TMEM240: variants seen among roughly 807,000 people sequenced by gnomAD.
TMEM240 encodes the protein transmembrane protein 240, also known as transmembrane protein C1orf70.
TMEM240 carries 3 observed loss-of-function variants against 19.5 expected under a neutral mutation model. That is an observed-to-expected ratio of 0.15 (90% CI 0.07 to 0.40). The LOEUF is 0.40. TMEM240 is among the 10% of genes least tolerant of loss of function. The pLI, the probability that TMEM240 is intolerant of heterozygous loss-of-function variation, is 1.00. For synonymous variants in TMEM240, 123 were observed against 109.3 expected (o/e 1.13, Z -0.78); for missense variants, 210 against 253.5 (o/e 0.83, Z 1.17).
Position 1,540,381 on chromosome 1 carries a change from C to A in TMEM240, c.-35G>T, listed in dbSNP as rs1044272744. On this transcript the variant is annotated 5_prime_UTR_variant, in exon 1 of 4. Coordinates refer to ENST00000378733, the MANE Select transcript of TMEM240 (RefSeq NM_001114748.2). ...CCGGGCCGGGCCGGAGCGCCGCCCC[C>A]CGGCCCCGGCGCCCCCCCGGCCCCG... The A allele has an allele frequency of 3.7e-6, 4 of 1,070,082 alleles. No individual in the cohort carries two copies. In the African/African-American group the frequency reaches 6.8e-5, roughly 18 times the overall value. The allele number at this position is 1,070,082 out of a possible 1,614,324, so 66.3% of individuals were successfully genotyped here.
chr1:1,535,450 G>C lies in TMEM240; in HGVS notation c.431C>G (p.Pro144Arg), dbSNP rs1024546715. The C allele has an allele frequency of 5.2e-6, 8 of 1,549,014 alleles. No homozygotes were observed. Among genetic ancestry groups the C allele is most frequent in the Non-Finnish European group, 7.0e-6 (8 of 1,146,322 alleles). ...LCSLRELGRR[P>R]HRPFEEAAGN... ...GGCGGCCTCCTCGAAGGGCCTGTGC[G>C]GCCGCCGGCCCAGCTCCCGCAGGCT... is the stretch of plus-strand genomic sequence containing the variant. Residue 144 changes from proline (P) to arginine (R), a missense_variant, in exon 4 of 4, where the codon CCG becomes CGG. Physicochemically the swap from Pro to Arg is moderately radical, Grantham distance 103. This residue lies in a region of TMEM240 where 157 missense variants were observed against 168.2 expected (regional missense o/e 0.93). Transcript: ENST00000378733. The surrounding 1 kb of genome is among the most constrained non-coding windows in gnomAD (Gnocchi z 8.2).
In TMEM240 at chr1:1,534,922, G is replaced by A. The variant is rs552819764; in HGVS notation, c.*437C>T. ...CTGTGCACACGCGGGTGCTCCCCTC[G>A]CCCCCCTCCCCTCCGCCCAAGCTGG... On this transcript the variant is annotated 3_prime_UTR_variant, in exon 4 of 4. Coordinates refer to ENST00000378733, the MANE Select transcript of TMEM240 (RefSeq NM_001114748.2). 7.1e-5 allele frequency among the ~76,000 whole-genome samples: 8 copies of A among 113,224 alleles called. No individual in the cohort carries two copies. The South Asian group carries it at 1.5e-3, about 22-fold the overall frequency. 74.3% of individuals were successfully genotyped at this position (113,224 alleles called of 152,430 possible). A position where few individuals can be genotyped will look rare whatever the true frequency, so the allele number is the denominator to read the frequency against.
intron 2 of TMEM240, 165 bp downstream of exon 2, chr1:1,539,519 G>T: frequency 1.6e-6 from 1 of 628,556 alleles, no homozygotes; most frequent in Non-Finnish European, 2.8e-6. Context: ...GCCCCCAGGA[G>T]ACCCCCGCCC....
In TMEM240 at chr1:1,535,237, G is replaced by T. The variant is rs1642193955; in HGVS notation, c.*122C>A. 1 of 1,108,236 alleles carries T rather than the reference G, an allele frequency of 9.0e-7. No homozygotes were observed. The highest frequency in any genetic ancestry group is 1.2e-6 in the Non-Finnish European group (1 of 813,428). 68.7% of individuals were successfully genotyped at this position (1,108,236 alleles called of 1,614,324 possible). ...CACTGGACTCTCCCGGCCGGCCACA[G>T]CCCCGGACAACCTGGGCCCAGGGCT... On this transcript the variant is annotated 3_prime_UTR_variant, in exon 4 of 4. Coordinates refer to ENST00000378733, the MANE Select transcript of TMEM240 (RefSeq NM_001114748.2). The surrounding 1 kb of genome is among the most constrained non-coding windows in gnomAD (Gnocchi z 8.2).
At chr1:1,539,283 C>G in intron 2 of TMEM240, 1 of 190,750 alleles carries the variant, frequency 5.2e-6, no homozygotes, top group South Asian at 8.5e-5. Context: ...TCAAGGCAGG[C>G]CCTTCCCGCC....
At chr1:1,540,242 CGCGCGGGCGGGGAGCAGGGG>C in intron 1 of TMEM240, 28 bp downstream of exon 1, 1 of 1,147,656 alleles carries the variant, frequency 8.7e-7, no homozygotes, top group Non-Finnish European at 1.1e-6. Context: ...CCAGGCGGCG[CGCGCGGGCGGGGAGCAGGGG>C]GCGCGCGCGG....
In TMEM240 at chr1:1,535,774, G is replaced by A; in HGVS notation, c.188C>T (p.Pro63Leu). The A allele has an allele frequency of 6.5e-7, 1 of 1,550,060 alleles. No homozygotes were observed. The highest frequency in any genetic ancestry group is 8.7e-7 in the Non-Finnish European group (1 of 1,146,586). ...CGRHHIHYVI[P>L]YDGDQSVVDA... is the part of the protein sequence containing the mutation. The stretch of plus-strand genomic sequence containing the variant: ...CACCACCGACTGGTCCCCGTCGTAC[G>A]GGATCACGTAGTGGATATGGTGCCT... Residue 63 changes from proline to leucine, a missense_variant, in exon 3 of 4, where the codon CCG becomes CTG. This residue lies in a region of TMEM240 where 157 missense variants were observed against 168.2 expected (regional missense o/e 0.93). Transcript: ENST00000378733. The surrounding 1 kb of genome is among the most constrained non-coding windows in gnomAD (Gnocchi z 8.2).
intron 2 of TMEM240, among the ~76,000 whole-genome samples, chr1:1,538,661 G>T (rs2100698252): frequency 6.6e-6 from 1 of 152,362 alleles, no homozygotes; most frequent in East Asian, 1.9e-4. Flanking sequence ...CAGCACACGT[G>T]AGGGTCACAG....
At position 1,535,203 on chromosome 1, in the gene TMEM240, A is replaced by G; in HGVS notation, c.*156T>C. 3 of 722,128 alleles carry G rather than the reference A, an allele frequency of 4.2e-6. No individual in the cohort carries two copies. The highest frequency in any genetic ancestry group is 6.5e-6 in the Non-Finnish European group (3 of 462,544). The allele number at this position is 722,128 out of a possible 1,614,324, so 44.7% of individuals were successfully genotyped here. A position where few individuals can be genotyped will look rare whatever the true frequency, so the allele number is the denominator to read the frequency against. On this transcript the variant is annotated 3_prime_UTR_variant, in exon 4 of 4. Coordinates refer to ENST00000378733, the MANE Select transcript of TMEM240 (RefSeq NM_001114748.2). This position sits in a 1 kb window ranked among gnomAD's most constrained non-coding sequence, Gnocchi z 8.2. The stretch of plus-strand genomic sequence containing the variant: ...AACCCCCTTTATAAAAAGAAGAGAC[A>G]GCACCTTCCACTGGACTCTCCCGGC...
At chr1:1,537,377 GCC>G (rs1642238287) in intron 2 of TMEM240, among the ~76,000 whole-genome samples, 2 of 152,110 alleles carry the variant, frequency 1.3e-5, no homozygotes, top group Non-Finnish European at 2.9e-5. Context: ...GCTGACCACT[GCC>G]CAGAATGTGC....
In TMEM240 at chr1:1,535,941, G is replaced by GGGGT; in HGVS notation, c.165-145_165-144insACCC. The GGGGT allele has an allele frequency of 7.7e-6, 3 of 388,950 alleles. No homozygotes were observed. The highest frequency in any genetic ancestry group is 2.1e-5 in the African/African-American group (1 of 47,320). The allele number at this position is 388,950 out of a possible 1,614,324, so 24.1% of individuals were successfully genotyped here. On this transcript the variant is annotated intron_variant, in intron 2 of 3. Transcript: ENST00000378733. This position sits in a 1 kb window ranked among gnomAD's most constrained non-coding sequence, Gnocchi z 8.2. ...GCAGCCTCTTGGGCGGGCGGGTCGGGAAGGGGGCACCAGACTCAACGAGGC... is the reference window on the plus strand; with the variant it reads ...GCAGCCTCTTGGGCGGGCGGGTCGGGGGGTAAGGGGGCACCAGACTCAACGAGGC...
Position 1,535,349 on chromosome 1 carries a change from C to A in TMEM240, c.*10G>T, listed in dbSNP as rs1412358739. On this transcript the variant is annotated 3_prime_UTR_variant, in exon 4 of 4. Transcript: ENST00000378733. This position sits in a 1 kb window ranked among gnomAD's most constrained non-coding sequence, Gnocchi z 8.2. Reference sequence around the variant, plus strand: ...GTTGGCTCGGTGGCCCCGGTAAGTCCCCGTGCGGCTCACAGGTGCCGCGGG... The same window carrying A: ...GTTGGCTCGGTGGCCCCGGTAAGTCACCGTGCGGCTCACAGGTGCCGCGGG... The A allele has an allele frequency of 1.9e-6, 3 of 1,548,564 alleles. No individual in the cohort carries two copies. The African/African-American group carries it at 4.1e-5, about 21-fold the overall frequency.
In TMEM240 at chr1:1,536,779, C is replaced by A. The variant is rs114660278; in HGVS notation, c.165-982G>T. Reference sequence around the variant, plus strand: ...GGGAGTGGAGCCCGCGGGCCCCACGCGCCTTGCGGTCCACACTCCTGGCTG... The same window carrying A: ...GGGAGTGGAGCCCGCGGGCCCCACGAGCCTTGCGGTCCACACTCCTGGCTG... On this transcript the variant is annotated intron_variant, in intron 2 of 3. Transcript: ENST00000378733. This position sits in a 1 kb window ranked among gnomAD's most constrained non-coding sequence, Gnocchi z 5.4. Among the ~76,000 whole-genome samples, 8 of 152,148 alleles carry A rather than the reference C, an allele frequency of 5.3e-5. No individual in the cohort carries two copies. Among genetic ancestry groups the A allele is most frequent in the African/African-American group, 1.9e-4 (8 of 41,426 alleles).
At position 1,536,207 on chromosome 1, in the gene TMEM240, C is replaced by T. The variant is rs548426697; in HGVS notation, c.165-410G>A. ...ACAGCTCACCCGCCCGCCCCGGGGCCGCGGAGGCCACTTGGAGCAGAGCTG... is the reference window on the plus strand; with the variant it reads ...ACAGCTCACCCGCCCGCCCCGGGGCTGCGGAGGCCACTTGGAGCAGAGCTG... On this transcript the variant is annotated intron_variant, in intron 2 of 3. Transcript: ENST00000378733. This position sits in a 1 kb window ranked among gnomAD's most constrained non-coding sequence, Gnocchi z 5.4. 5.0e-4 allele frequency among the ~76,000 whole-genome samples: 76 copies of T among 152,198 alleles called. No homozygotes were observed. The highest frequency in any genetic ancestry group is 4.4e-4 in the Non-Finnish European group (30 of 67,962).
Position 1,535,487 on chromosome 1 carries a change from G to A in TMEM240, c.394C>T (p.Pro132Ser). The A allele has an allele frequency of 6.5e-7, 1 of 1,547,942 alleles. No individual in the cohort carries two copies. Among genetic ancestry groups the A allele is most frequent in the Non-Finnish European group, 8.7e-7 (1 of 1,145,722 alleles). The change falls in exon 4 of 4, where the codon CCC becomes TCC. Residue 132 changes from proline (P) to serine (S), a missense_variant. This residue lies in a region of TMEM240 where 157 missense variants were observed against 168.2 expected (regional missense o/e 0.93). Transcript: ENST00000378733. The surrounding 1 kb of genome is among the most constrained non-coding windows in gnomAD (Gnocchi z 8.2). ...AGCTCCCGCAGGCTGCACAGCTTGG[G>A]CAGCCAGGTCCACGAGCCATCTGCG... is the stretch of plus-strand genomic sequence containing the variant. ...RRYDGSWTWL[P>S]KLCSLRELGR...
chr1:1,535,515 G>C lies in TMEM240; in HGVS notation c.374-8C>G. On this transcript the variant is annotated splice_polypyrimidine_tract_variant and splice_region_variant and intron_variant, in intron 3 of 3. Coordinates refer to ENST00000378733, the MANE Select transcript of TMEM240 (RefSeq NM_001114748.2). This position sits in a 1 kb window ranked among gnomAD's most constrained non-coding sequence, Gnocchi z 8.2. ...GCCAGGTCCACGAGCCATCTGCGGG[G>C]GGACAGGGGCGGTCAGGCGGCTGGG... The C allele has an allele frequency of 6.5e-7, 1 of 1,542,026 alleles. No homozygotes were observed. The highest frequency in any genetic ancestry group is 8.8e-7 in the Non-Finnish European group (1 of 1,142,698).
In TMEM240 at chr1:1,539,447, G is replaced by A. The variant is rs546437622; in HGVS notation, c.164+237C>T. On this transcript the variant is annotated intron_variant, in intron 2 of 3. Coordinates refer to ENST00000378733, the MANE Select transcript of TMEM240 (RefSeq NM_001114748.2). ...TCCGGCCTCCAGGCTGGACCAGGAG[G>A]CCCCGTGACCCATTCCGCCATCACC... The A allele has an allele frequency of 3.7e-4, 207 of 554,268 alleles. 1 individual carries two copies. The African/African-American group carries it at 3.8e-3, about 10-fold the overall frequency. 34.3% of individuals were successfully genotyped at this position (554,268 alleles called of 1,614,324 possible). A position where few individuals can be genotyped will look rare whatever the true frequency, so the allele number is the denominator to read the frequency against.
In TMEM240 at chr1:1,540,350, G is replaced by T; in HGVS notation, c.-4C>A. On this transcript the variant is annotated 5_prime_UTR_variant, in exon 1 of 4. Coordinates refer to ENST00000378733, the MANE Select transcript of TMEM240 (RefSeq NM_001114748.2). The stretch of plus-strand genomic sequence containing the variant: ...TGGTGTTCGCGCTCATGGACATCGG[G>T]CGGGGCCGGGCCGGGCCGGAGCGCC... The T allele has an allele frequency of 8.2e-7, 1 of 1,222,770 alleles. No individual in the cohort carries two copies. Among genetic ancestry groups the T allele is most frequent in the Non-Finnish European group, 1.0e-6 (1 of 974,244 alleles). 75.7% of individuals were successfully genotyped at this position (1,222,770 alleles called of 1,614,324 possible). A position where few individuals can be genotyped will look rare whatever the true frequency, so the allele number is the denominator to read the frequency against.
chr1:1,540,222 G>A (rs542051122), intron 1 of TMEM240, 68 bp downstream of exon 1: 1 of 1,128,942 alleles, frequency 8.9e-7, no homozygotes, highest in South Asian at 2.9e-5. Context: ...AACAAGGCGC[G>A]GGAGGTGGGC....
Sources: allele counts gnomAD v4.1 joint callset (sites outside exome capture counted in the v4.1 genomes callset), GRCh38; gene constraint gnomAD v4.1.1; regional missense constraint gnomAD v4.1.1; non-coding constraint Gnocchi (gnomAD v3.1); transcripts MANE v1.5; gene names NCBI Gene and HGNC (gene_info 2026-07-23, HGNC 2026-07-21).